The following PRKN variants were observed in gnomAD, a reference collection of about 807,000 sequenced individuals.
The protein encoded by PRKN is parkin RBR E3 ubiquitin protein ligase.
In PRKN, 56 loss-of-function variants were observed where a neutral mutation model predicts 59.5. That is an observed-to-expected ratio of 0.94 (90% CI 0.76 to 1.18). The LOEUF (loss-of-function observed/expected upper bound fraction) is 1.18. Among genes scored for constraint, PRKN ranks in the 50% most tolerant of loss-of-function variants. The pLI, the probability that PRKN is intolerant of heterozygous loss-of-function variation, is 0.00. For missense variants in PRKN, 657 were observed against 596.4 expected (o/e 1.10, Z -1.06); for synonymous variants, 250 against 222.1 (o/e 1.13, Z -1.12).
At position 161,400,988 on chromosome 6, in the gene PRKN, G is replaced by A. The variant is rs2114979749; in HGVS notation, c.1084-14111C>T. On this transcript the variant is annotated intron_variant, in intron 9 of 11. Transcript: ENST00000366898. This position sits in a 1 kb window ranked among gnomAD's most constrained non-coding sequence, Gnocchi z 4.2. ...TACTCAAGGGGAAGACTGTTGATCAGAGTACACTGCAAACAAACATCTGTT... is the reference window on the plus strand; with the variant it reads ...TACTCAAGGGGAAGACTGTTGATCAAAGTACACTGCAAACAAACATCTGTT... Among the ~76,000 whole-genome samples, 1 of 152,312 alleles carries A rather than the reference G, an allele frequency of 6.6e-6. No homozygotes were observed. Among genetic ancestry groups the A allele is most frequent in the East Asian group, 1.9e-4 (1 of 5,178 alleles).
chr6:161,430,731 C>G (rs4709523), intron 9 of PRKN, among the ~76,000 whole-genome samples: 1 of 147,844 alleles, frequency 6.8e-6, no homozygotes, highest in African/African-American at 2.5e-5. Context: ...AGGAGAATGG[C>G]GTGAACCTGG....
chr6:161,599,537 T>TCA (rs1782033890), intron 7 of PRKN, among the ~76,000 whole-genome samples: 1 of 152,196 alleles, frequency 6.6e-6, no homozygotes, highest in South Asian at 2.1e-4. Flanking sequence ...AATGATTGCC[T>TCA]CATTGGAATT....
chr6:161,490,264 G>A (rs944109963), intron 9 of PRKN, among the ~76,000 whole-genome samples: 5 of 151,840 alleles, frequency 3.3e-5, no homozygotes, highest in African/African-American at 1.2e-4. Flanking sequence ...GTGCCATGGC[G>A]GTGGTCTGTC....
At chr6:161,747,594 C>A (rs1788487209) in intron 7 of PRKN, among the ~76,000 whole-genome samples, 1 of 152,168 alleles carries the variant, frequency 6.6e-6, no homozygotes, top group African/African-American at 2.4e-5. Flanking sequence ...GTGGGCACGA[C>A]AATATTAGCA....
intron 2 of PRKN, among the ~76,000 whole-genome samples, chr6:162,300,932 G>A (rs540762095): frequency 2.4e-4 from 37 of 152,148 alleles, no homozygotes; most frequent in African/African-American, 7.5e-4. Flanking sequence ...AACTGGAGCT[G>A]ATGGTGGAGC....
intron 1 of PRKN, among the ~76,000 whole-genome samples, chr6:162,595,893 T>C (rs1394921618): frequency 6.6e-6 from 1 of 152,078 alleles, no homozygotes; most frequent in East Asian, 1.9e-4. Flanking sequence ...GCAAAGAAAA[T>C]AAGCTCATTG....
chr6:162,032,846 A>G (rs973665534), intron 5 of PRKN, among the ~76,000 whole-genome samples: 7 of 152,168 alleles, frequency 4.6e-5, no homozygotes, highest in African/African-American at 1.7e-4. Flanking sequence ...ATTGAAATGA[A>G]CCCAATGCTC....
chr6:162,652,097 T>C (rs966692748), intron 1 of PRKN, among the ~76,000 whole-genome samples: 3 of 152,246 alleles, frequency 2.0e-5, no homozygotes, highest in Admixed American at 6.5e-5. Context: ...TTCTGCCCAC[T>C]GGATGCCAGT....
At chr6:161,436,611 T>C (rs577674027) in intron 9 of PRKN, among the ~76,000 whole-genome samples, 1 of 151,938 alleles carries the variant, frequency 6.6e-6, no homozygotes, top group Non-Finnish European at 1.5e-5. Context: ...GAAGTGAGGA[T>C]GGGAGAGAAA....
At chr6:161,540,368 C>T (rs892730999) in intron 9 of PRKN, among the ~76,000 whole-genome samples, 13 of 152,064 alleles carry the variant, frequency 8.5e-5, no homozygotes, top group South Asian at 4.1e-4. Flanking sequence ...ACTAAGCATA[C>T]ACGATCACAA....
rs1788568258 is a variant in PRKN, at chr6:161,430,021, G to C, written c.1084-43144C>G. On this transcript the variant is annotated intron_variant, in intron 9 of 11. Transcript: ENST00000366898. ...GGTTTCTCAAATCCCAGTTCTCACA[G>C]GGTGGTTTGAAATGGACCAGATGGC... Among the ~76,000 whole-genome samples, 4 of 152,166 alleles carry C rather than the reference G, an allele frequency of 2.6e-5. No individual in the cohort carries two copies. In the South Asian group the frequency reaches 6.2e-4, roughly 24 times the overall value.
At chr6:162,253,754 C>T (rs1474463176) in intron 3 of PRKN, among the ~76,000 whole-genome samples, 2 of 139,052 alleles carry the variant, frequency 1.4e-5, no homozygotes, top group African/African-American at 5.8e-5. Flanking sequence ...TTAAATGAGT[C>T]AACTATTATT....
chr6:162,312,154 T>C (rs1782544003), intron 2 of PRKN, among the ~76,000 whole-genome samples: 2 of 152,134 alleles, frequency 1.3e-5, no homozygotes, highest in African/African-American at 4.8e-5. Flanking sequence ...GTCTTTTCTC[T>C]TAGTATTGCT....
intron 6 of PRKN, among the ~76,000 whole-genome samples, chr6:161,843,914 G>C (rs1327845836): frequency 1.3e-5 from 2 of 152,166 alleles, no homozygotes; most frequent in Non-Finnish European, 2.9e-5. Context: ...TAGGATCCCT[G>C]TTGGGATCTC....
intron 6 of PRKN, among the ~76,000 whole-genome samples, chr6:161,795,034 A>G (rs955682629): frequency 1.3e-4 from 20 of 148,316 alleles, no homozygotes; most frequent in African/African-American, 4.2e-4. Context: ...ACAGGCACCC[A>G]CCACCACACC....
chr6:161,942,479 T>C (rs138573813), intron 6 of PRKN, among the ~76,000 whole-genome samples: 4,578 of 152,174 alleles, frequency 0.03, 133 homozygotes, highest in East Asian at 0.1. Flanking sequence ...TGCAGTGAAC[T>C]GAGATCGCGC....
At chr6:161,871,743 T>C (rs936503851) in intron 6 of PRKN, among the ~76,000 whole-genome samples, 4 of 152,288 alleles carry the variant, frequency 2.6e-5, no homozygotes, top group Admixed American at 6.5e-5. Context: ...TTCCCTTCCA[T>C]GGATATGGAT....
At chr6:162,149,105 T>C (rs1040002498) in intron 4 of PRKN, among the ~76,000 whole-genome samples, 2 of 152,136 alleles carry the variant, frequency 1.3e-5, no homozygotes, top group Non-Finnish European at 2.9e-5. Context: ...GCTGTCACCA[T>C]CTCCCAGTAG....
intron 5 of PRKN, among the ~76,000 whole-genome samples, chr6:162,034,608 T>G (rs1017919585): frequency 1.6e-4 from 25 of 152,336 alleles, no homozygotes; most frequent in South Asian, 4.1e-4. Flanking sequence ...TGAAGAACAC[T>G]TTGGTACTGA....
Sources: allele counts gnomAD v4.1 joint callset (sites outside exome capture counted in the v4.1 genomes callset), GRCh38; gene constraint gnomAD v4.1.1; non-coding constraint Gnocchi (gnomAD v3.1); transcripts MANE v1.5; gene names NCBI Gene and HGNC (gene_info 2026-07-23, HGNC 2026-07-21).